Variants in CCT8L2 observed in about 807,000 individuals in gnomAD.
The protein encoded by CCT8L2 is T-complex protein 1 subunit theta-like 2.
In CCT8L2, 29 loss-of-function variants were observed where a neutral mutation model predicts 31.5. That is an observed-to-expected ratio of 0.92 (90% CI 0.68 to 1.25). CCT8L2 has a LOEUF of 1.25. Ranked by LOEUF, CCT8L2 falls within the 50% of genes most tolerant of loss-of-function variation. CCT8L2 has a pLI of 0.00. For missense variants in CCT8L2, 589 were observed against 695.7 expected, an observed-to-expected ratio of 0.85 and a Z score of 1.73; for synonymous variants, 256 against 290.1, an observed-to-expected ratio of 0.88 and a Z score of 1.19.
chr22:16,591,600 A>G lies in CCT8L2; in HGVS notation c.951T>C (p.Ala317=), dbSNP rs983808658. The change falls in exon 1 of 1, where the codon GCT becomes GCC. Residue 317 remains alanine, a synonymous_variant. Coordinates refer to ENST00000359963, the MANE Select transcript of CCT8L2 (RefSeq NM_014406.5). ...GGTAAATGATCTCCATCCAAGACCT[A>G]GCTTGAATCACCACGATGCCATACT... ...ADKYGIVVIQ[A]RSWMEIIYLS... The G allele has an allele frequency of 1.3e-5, 21 of 1,614,054 alleles. No homozygotes were observed. Among genetic ancestry groups the G allele is most frequent in the Non-Finnish European group, 1.5e-5 (18 of 1,180,026 alleles).
rs751815194 is a variant in CCT8L2 at position 16,591,144 on chromosome 22, T to C, written c.1407A>G (p.Gly469=). The change falls in exon 1 of 1, where the codon GGA becomes GGG. Residue 469 remains glycine, a synonymous_variant. Coordinates refer to ENST00000359963, the MANE Select transcript of CCT8L2 (RefSeq NM_014406.5). ...AVSDVMAEMS[G]VHQGGNLLMG... ...TTAGGAGGTTCCCACCTTGGTGCAC[T>C]CCACTCATTTCTGCCATCACGTCTG... 1.2e-6 allele frequency: 2 copies of C among 1,614,034 alleles called. No individual in the cohort carries two copies. The highest frequency in any genetic ancestry group is 1.7e-6 in the Non-Finnish European group (2 of 1,179,876).
chr22:16,590,971 G>A lies in CCT8L2; in HGVS notation c.1580C>T (p.Pro527Leu). ...VDEIVVAKKS[P>L]THQEIWNPDS... Reference sequence around the variant, plus strand: ...AGGATTCCAGATCTCCTGATGTGTGGGACTTTTCTTGGCCACTACGATTTC... The same window carrying A: ...AGGATTCCAGATCTCCTGATGTGTGAGACTTTTCTTGGCCACTACGATTTC... The change falls in exon 1 of 1, where the codon CCC becomes CTC. Residue 527 changes from proline to leucine, a missense_variant. By Grantham distance (98) the Pro-to-Leu change is moderately conservative. Coordinates refer to ENST00000359963, the MANE Select transcript of CCT8L2 (RefSeq NM_014406.5). The A allele has an allele frequency of 3.7e-6, 6 of 1,613,888 alleles. No homozygotes were observed. Among genetic ancestry groups the A allele is most frequent in the Non-Finnish European group, 5.1e-6 (6 of 1,179,868 alleles).
rs1170947407 is a variant in CCT8L2, at chr22:16,590,947, G to A, written c.1604C>T (p.Pro535Leu). ...KSPTHQEIWN[P>L]DSKKTKKHPP... ...GTGTTTCTTTGTCTTCTTAGAGTCAGGATTCCAGATCTCCTGATGTGTGGG... is the reference window on the plus strand; with the variant it reads ...GTGTTTCTTTGTCTTCTTAGAGTCAAGATTCCAGATCTCCTGATGTGTGGG... The change falls in exon 1 of 1, where the codon CCT becomes CTT. Residue 535 changes from proline (P) to leucine (L), a missense_variant. Transcript: ENST00000359963. 1 of 1,613,792 alleles carries A rather than the reference G, an allele frequency of 6.2e-7. No individual in the cohort carries two copies. Among genetic ancestry groups the A allele is most frequent in the African/African-American group, 1.3e-5 (1 of 74,898 alleles).
In CCT8L2 at chr22:16,592,524, C is replaced by T; in HGVS notation, c.27G>A (p.Leu9=). ...TCAGTGCCAGCCGCTGGGGCAGCTCCAGGGCTGAAGGGACTGTGCTGTCCA... is the reference window on the plus strand; with the variant it reads ...TCAGTGCCAGCCGCTGGGGCAGCTCTAGGGCTGAAGGGACTGTGCTGTCCA... MDSTVPSA[L]ELPQRLALNP... is the part of the protein sequence containing the mutation. Residue 9 remains leucine, a synonymous_variant, in exon 1 of 1, where the codon CTG becomes CTA. Coordinates refer to ENST00000359963, the MANE Select transcript of CCT8L2 (RefSeq NM_014406.5). The T allele has an allele frequency of 6.2e-7, 1 of 1,613,552 alleles. No individual in the cohort carries two copies. Among genetic ancestry groups the T allele is most frequent in the Admixed American group, 1.7e-5 (1 of 60,002 alleles).
Sources: gnomAD v4.1 joint callset for allele counts on GRCh38, gnomAD v4.1.1 for gene constraint, MANE v1.5 for transcripts, NCBI Gene and HGNC (gene_info 2026-07-23, HGNC 2026-07-21) for gene names.